LDHAL6A: variants seen among roughly 807,000 people sequenced by gnomAD.
LDHAL6A encodes the protein lactate dehydrogenase A like 6A, also known as L-lactate dehydrogenase A-like 6A.
A neutral mutation model predicts 28.2 loss-of-function variants in LDHAL6A; 19 were observed. The ratio of observed to expected loss-of-function variants is 0.67; its 90% CI spans 0.47 to 0.99. LDHAL6A has a LOEUF of 0.99. Among genes scored for constraint, LDHAL6A ranks in the 50% least tolerant of loss-of-function variants. The pLI, the probability that LDHAL6A is intolerant of heterozygous loss-of-function variation, is 0.00. For synonymous variants in LDHAL6A, 144 were observed against 134.4 expected (o/e 1.07, Z -0.49); for missense variants, 372 against 398.6 (o/e 0.93, Z 0.57).
intron 3 of LDHAL6A, among the ~76,000 whole-genome samples, chr11:18,474,287 CA>C (rs1343865264): frequency 5.9e-5 from 9 of 151,740 alleles, no homozygotes; most frequent in Non-Finnish European, 1.2e-4. Context: ...CCATGTTGAC[CA>C]GGCTGGTCTT....
intron 3 of LDHAL6A, among the ~76,000 whole-genome samples, chr11:18,472,470 G>C (rs1849277250): frequency 6.6e-6 from 1 of 152,140 alleles, no homozygotes; most frequent in Non-Finnish European, 1.5e-5. Context: ...GAGGACAAAA[G>C]ATGTCATCTT....
In LDHAL6A at chr11:18,477,727, T is replaced by A. The variant is rs757616431; in HGVS notation, c.818T>A (p.Val273Asp). Residue 273 changes from valine (V) to aspartate (D), a missense_variant, in exon 6 of 7, where the codon GTT (valine) becomes GAT (aspartate). By Grantham distance (152) the Val-to-Asp change is radical. This residue lies in a region of LDHAL6A where 291 missense variants were observed against 302.9 expected (regional missense o/e 0.96). Transcript: ENST00000280706. ...ILKNLRRVHPVSTLSKGLYGI... is the reference protein window; with the variant it reads ...ILKNLRRVHPDSTLSKGLYGI... ...AAGAATCTTAGGAGAGTGCATCCAG[T>A]TTCTACCCTAAGTAAGGTAGGACAT... 6.2e-7 allele frequency: 1 copy of A among 1,607,974 alleles called. No individual in the cohort carries two copies. The highest frequency in any genetic ancestry group is 1.7e-5 in the Admixed American group (1 of 58,586).
At chr11:18,478,621 T>A in intron 6 of LDHAL6A, 85 bp from the exon 7 acceptor site, 1 of 1,067,960 alleles carries the variant, frequency 9.4e-7, no homozygotes. Context: ...TATACCAATC[T>A]GTTATTCATT....
At chr11:18,478,430 T>G (rs139423635) in intron 6 of LDHAL6A, among the ~76,000 whole-genome samples, 2,759 of 152,096 alleles carry the variant, frequency 0.018, 75 homozygotes, top group African/African-American at 0.063. Flanking sequence ...CGTGGTGGTG[T>G]GTGCCTGTAG....
At chr11:18,468,021 ATACG>A (rs1447618531) in intron 3 of LDHAL6A, among the ~76,000 whole-genome samples, 3 of 63,320 alleles carry the variant, frequency 4.7e-5, no homozygotes, top group East Asian at 7.9e-4. Context: ...ATACATATAT[ATACG>A]TATATATATA....
chr11:18,456,456 T>C lies in LDHAL6A; in HGVS notation c.-225T>C. 1 of 518,774 alleles carries C rather than the reference T, an allele frequency of 1.9e-6. No homozygotes were observed. Among genetic ancestry groups the C allele is most frequent in the Non-Finnish European group, 3.4e-6 (1 of 293,148 alleles). The allele number at this position is 518,774 out of a possible 1,614,324, so 32.1% of individuals were successfully genotyped here. A position where few individuals can be genotyped will look rare whatever the true frequency, so the allele number is the denominator to read the frequency against. ...TAACTGTACTCACGCTTCCTTCTCC[T>C]TCCCCTGGTCCGCTTCATGGATGCT... On this transcript the variant is annotated 5_prime_UTR_variant, in exon 1 of 7. Transcript: ENST00000280706.
rs1183816067 is a variant in LDHAL6A, at chr11:18,465,692, G to GA, written c.306dup (p.Gly103ArgfsTer6). On this transcript the variant is annotated frameshift_variant, in exon 3 of 7. Transcript: ENST00000280706. LOFTEE classifies it high-confidence loss of function. ...TGATTATCACAGCAGGTGCACGCCAGAAAAAAGGAGAAACACGCCTTGATT... is the reference window on the plus strand; with the variant it reads ...TGATTATCACAGCAGGTGCACGCCAGAAAAAAAGGAGAAACACGCCTTGATT... 3 of 1,613,988 alleles carry GA rather than the reference G, an allele frequency of 1.9e-6. No individual in the cohort carries two copies. In the Admixed American group the frequency reaches 5.0e-5, roughly 27 times the overall value.
At chr11:18,457,665 T>A (rs1848792315) in intron 1 of LDHAL6A, among the ~76,000 whole-genome samples, 4 of 152,156 alleles carry the variant, frequency 2.6e-5, no homozygotes, top group Admixed American at 2.6e-4. Flanking sequence ...GTGTCCTCAC[T>A]GCTAATGAAG....
Position 18,462,640 on chromosome 11 carries a change from AAACAAACAAACAAAC to A in LDHAL6A, c.127-1318_127-1304del, listed in dbSNP as rs1208006490. ...CAACAGAGCAAGACTCTGTCTCAAAAAACAAACAAACAAACAAAAAAAAAAACAAAAAAAACCCAA... is the reference window on the plus strand; with the variant it reads ...CAACAGAGCAAGACTCTGTCTCAAAAAAAAAAAAAAACAAAAAAAACCCAA... On this transcript the variant is annotated intron_variant, in intron 1 of 6. Coordinates refer to ENST00000280706, the MANE Select transcript of LDHAL6A (RefSeq NM_144972.5). Among the ~76,000 whole-genome samples, 93 of 80,762 alleles carry A rather than the reference AAACAAACAAACAAAC, an allele frequency of 1.2e-3. 4 individuals carry two copies. Among genetic ancestry groups the A allele is most frequent in the African/African-American group, 5.7e-3 (83 of 14,462 alleles). 53.0% of individuals were successfully genotyped at this position (80,762 alleles called of 152,430 possible).
chr11:18,477,614 C>T lies in LDHAL6A; in HGVS notation c.711-6C>T. The T allele has an allele frequency of 6.2e-7, 1 of 1,600,200 alleles. No individual in the cohort carries two copies. On this transcript the variant is annotated splice_polypyrimidine_tract_variant and splice_region_variant and intron_variant, in intron 5 of 6. Transcript: ENST00000280706. Reference sequence around the variant, plus strand: ...AACTTATGTTTATGGTTTCTTCTATCTACAGTGGCTATGAGATGGTCAAAA... The same window carrying T: ...AACTTATGTTTATGGTTTCTTCTATTTACAGTGGCTATGAGATGGTCAAAA...
chr11:18,476,818 C>A (rs1165886952), intron 5 of LDHAL6A: 3 of 161,388 alleles, frequency 1.9e-5, no homozygotes, highest in Admixed American at 1.3e-4. Flanking sequence ...ATATTAATTT[C>A]TGCATCTCTG....
rs775379725 is a variant in LDHAL6A at position 18,478,777 on chromosome 11, C to A, written c.906C>A (p.Asp302Glu). The A allele has an allele frequency of 5.0e-6, 8 of 1,613,076 alleles. No homozygotes were observed. The Admixed American group carries it at 1.2e-4, about 24-fold the overall frequency. The change falls in exon 7 of 7, where the codon GAC becomes GAA. Residue 302 changes from aspartate (D) to glutamate (E), a missense_variant. Around this residue, in one of 3 missense-constraint regions of LDHAL6A, gnomAD observed 291 missense variants for 302.9 expected, o/e 0.96. Transcript: ENST00000280706. Reference protein sequence around the residue: ...PCILGENGITDLIKVKLTLEE... With the variant: ...PCILGENGITELIKVKLTLEE... The stretch of plus-strand genomic sequence containing the variant: ...TCCTGGGAGAGAATGGTATCACAGA[C>A]CTCATAAAAGTAAAACTGACTCTTG...
intron 3 of LDHAL6A, among the ~76,000 whole-genome samples, chr11:18,474,857 A>G (rs1849333827): frequency 6.6e-6 from 1 of 152,186 alleles, no homozygotes; most frequent in African/African-American, 2.4e-5. Flanking sequence ...TTTTCCTACT[A>G]TTCAATGCTC....
At chr11:18,462,914 A>T (rs1016836870) in intron 1 of LDHAL6A, among the ~76,000 whole-genome samples, 21 of 151,076 alleles carry the variant, frequency 1.4e-4, no homozygotes, top group African/African-American at 4.8e-4. Flanking sequence ...CTTAGCATCC[A>T]CTTTAGGCAA....
At chr11:18,478,559 CAAAA>C (rs891155836) in intron 6 of LDHAL6A, 143 bp from the exon 7 acceptor site, 2 of 522,162 alleles carry the variant, frequency 3.8e-6, no homozygotes, top group Non-Finnish European at 6.4e-6. Flanking sequence ...GAGTCCGTCT[CAAAA>C]AAAAAAGAAA....
At chr11:18,464,977 G>GTTTTTTTATTTTTT (rs1565068683) in intron 2 of LDHAL6A, among the ~76,000 whole-genome samples, 2 of 125,490 alleles carry the variant, frequency 1.6e-5, no homozygotes, top group Non-Finnish European at 3.3e-5. Flanking sequence ...TGTTTTTTTT[G>GTTTTTTTATTTTTT]TTTTTTTTTG....
chr11:18,475,537 A>C lies in LDHAL6A; in HGVS notation c.490A>C (p.Asn164His), dbSNP rs757927617. The change falls in exon 4 of 7, where the codon AAT becomes CAT. Residue 164 changes from asparagine to histidine, a missense_variant. Physicochemically the swap from Asn to His is moderately conservative, Grantham distance 68. This residue lies in a region of LDHAL6A where 291 missense variants were observed against 302.9 expected (regional missense o/e 0.96). Transcript: ENST00000280706. The part of the protein sequence containing the change: ...PKNRVIGSGC[N>H]LDSARFRYFI... ...AAACCGTGTTATTGGAAGTGGTTGT[A>C]ATCTGGACTCTGCTCGTTTTCGTTA... 3 of 1,614,078 alleles carry C rather than the reference A, an allele frequency of 1.9e-6. No individual in the cohort carries two copies. Among genetic ancestry groups the C allele is most frequent in the Non-Finnish European group, 2.5e-6 (3 of 1,179,952 alleles).
At chr11:18,477,471 A>AG in intron 5 of LDHAL6A, 149 bp from the exon 6 acceptor site, 1 of 693,332 alleles carries the variant, frequency 1.4e-6, no homozygotes, top group Non-Finnish European at 2.3e-6. Flanking sequence ...AAAAGAAGAA[A>AG]GAAAAAATGC....
At chr11:18,474,280 T>C (rs1422430347) in intron 3 of LDHAL6A, among the ~76,000 whole-genome samples, 1 of 151,982 alleles carries the variant, frequency 6.6e-6, no homozygotes, top group Admixed American at 6.6e-5. Context: ...GGTTTCACCA[T>C]GTTGACCAGG....
Sources: gnomAD v4.1 joint callset for allele counts (sites outside exome capture counted in the v4.1 genomes callset) on GRCh38, gnomAD v4.1.1 for gene constraint, gnomAD v4.1.1 regional missense constraint, MANE v1.5 for transcripts, NCBI Gene and HGNC (gene_info 2026-07-23, HGNC 2026-07-21) for gene names.